Variants in MTHFD1L observed in about 807,000 individuals in gnomAD.
MTHFD1L encodes monofunctional C1-tetrahydrofolate synthase, mitochondrial.
A neutral mutation model predicts 119.5 loss-of-function variants in MTHFD1L; 81 were observed. The observed-to-expected ratio is 0.68, with a 90% CI of 0.57 to 0.82. The LOEUF is 0.82. Among genes scored for constraint, MTHFD1L ranks in the 40% least tolerant of loss-of-function variants. The pLI is 0.00. For synonymous variants in MTHFD1L, 430 were observed against 475.2 expected, an observed-to-expected ratio of 0.90 and a Z score of 1.24; for missense variants, 1,125 against 1,253.4, an observed-to-expected ratio of 0.90 and a Z score of 1.55.
intron 11 of MTHFD1L, among the ~76,000 whole-genome samples, chr6:150,927,746 C>T (rs192766937): frequency 3.3e-5 from 5 of 152,076 alleles, no homozygotes; most frequent in East Asian, 1.9e-4. Flanking sequence ...TGTGAGCCAC[C>T]GCACCTGGCC....
At chr6:151,089,068 GC>G (rs1794121636) in intron 26 of MTHFD1L, among the ~76,000 whole-genome samples, 1 of 152,070 alleles carries the variant, frequency 6.6e-6, no homozygotes, top group Admixed American at 6.6e-5. Flanking sequence ...AATTTACACT[GC>G]CTCATCTGTA....
intron 19 of MTHFD1L, among the ~76,000 whole-genome samples, chr6:150,967,412 T>C (rs1258303038): frequency 1.7e-5 from 2 of 118,142 alleles, no homozygotes; most frequent in Non-Finnish European, 4.1e-5. Context: ...CCTCACCTTT[T>C]TTGCCCCGTT....
At chr6:150,932,816 G>GAGGAAGGAAGGAAGGA (rs60832992) in intron 11 of MTHFD1L, among the ~76,000 whole-genome samples, 5 of 119,484 alleles carry the variant, frequency 4.2e-5, no homozygotes, top group Non-Finnish European at 7.3e-5. Context: ...GAGAGGGAGG[G>GAGGAAGGAAGGAAGGA]AGGAAGGAAG....
At chr6:150,991,585 G>T (rs1278368658) in intron 20 of MTHFD1L, among the ~76,000 whole-genome samples, 2 of 152,086 alleles carry the variant, frequency 1.3e-5, no homozygotes, top group African/African-American at 4.8e-5. Context: ...AGGAAAAAAT[G>T]ACTTGAAAAA....
At chr6:151,033,322 G>A (rs989554125) in intron 24 of MTHFD1L, among the ~76,000 whole-genome samples, 3 of 152,024 alleles carry the variant, frequency 2.0e-5, no homozygotes, top group Non-Finnish European at 4.4e-5. Flanking sequence ...GTTTCACCAT[G>A]TTGGCCACGC....
At chr6:150,953,074 C>G (rs1247525935) in intron 16 of MTHFD1L, among the ~76,000 whole-genome samples, 1 of 152,142 alleles carries the variant, frequency 6.6e-6, no homozygotes, top group Non-Finnish European at 1.5e-5. Flanking sequence ...GGCCATGGAC[C>G]AAGGGCCCAC....
At chr6:151,014,774 A>G in intron 22 of MTHFD1L, 106 bp from the exon 23 acceptor site, 3 of 734,112 alleles carry the variant, frequency 4.1e-6, no homozygotes, top group Non-Finnish European at 6.7e-6. Context: ...AAAAAGTGAA[A>G]AAAGATGTAG....
intron 22 of MTHFD1L, among the ~76,000 whole-genome samples, chr6:151,014,639 A>G (rs1261451841): frequency 6.6e-6 from 1 of 152,258 alleles, no homozygotes; most frequent in Non-Finnish European, 1.5e-5. Context: ...TAGACCCTGC[A>G]GCCTGTCCTC....
chr6:151,044,616 T>C (rs1447236485), intron 26 of MTHFD1L, among the ~76,000 whole-genome samples: 2 of 152,114 alleles, frequency 1.3e-5, no homozygotes, highest in Admixed American at 6.5e-5. Context: ...CATGCTTTTT[T>C]CCTCCTGTCG....
chr6:151,045,609 C>A (rs1584295753), intron 26 of MTHFD1L, among the ~76,000 whole-genome samples: 1 of 152,194 alleles, frequency 6.6e-6, no homozygotes, highest in African/African-American at 2.4e-5. Flanking sequence ...GCTTGCCCTC[C>A]CCATGAGCCT....
intron 20 of MTHFD1L, chr6:150,985,166 C>G (rs545904574): frequency 7.2e-5 from 11 of 152,284 alleles, no homozygotes; most frequent in African/African-American, 1.4e-4. Flanking sequence ...ATAGGATAAG[C>G]CTTCAGAAAC....
chr6:150,887,910 C>T lies in MTHFD1L; in HGVS notation c.709C>T (p.Gln237Ter), dbSNP rs1782579905. The change falls in exon 7 of 28, where the codon CAA (glutamine) becomes TAA (stop). Residue 237 changes from glutamine (Q) to a stop codon, truncating the protein, a stop_gained. Transcript: ENST00000367321. LOFTEE classifies it high-confidence loss of function. ...GAHGSLEAAL[Q>*]CLFQRKGSMT... ...CCATGGGTCTTTGGAAGCTGCTCTACAATGCCTGTTCCAGAGAAAAGGGTC... is the reference window on the plus strand; with the variant it reads ...CCATGGGTCTTTGGAAGCTGCTCTATAATGCCTGTTCCAGAGAAAAGGGTC... 3 of 1,610,902 alleles carry T rather than the reference C, an allele frequency of 1.9e-6. No homozygotes were observed. The highest frequency in any genetic ancestry group is 1.7e-5 in the Admixed American group (1 of 59,368).
intron 19 of MTHFD1L, among the ~76,000 whole-genome samples, chr6:150,967,022 T>C (rs1797309535): frequency 6.6e-6 from 1 of 152,178 alleles, no homozygotes; most frequent in African/African-American, 2.4e-5. Context: ...CTTCCCGTCT[T>C]TCCTCTCCCC....
chr6:151,090,409 C>G (rs1271103626), intron 26 of MTHFD1L, among the ~76,000 whole-genome samples: 1 of 152,232 alleles, frequency 6.6e-6, no homozygotes, highest in Non-Finnish European at 1.5e-5. Flanking sequence ...TGGGGACTTG[C>G]TCCAGTTGCA....
chr6:151,093,597 A>T (rs951014586), intron 27 of MTHFD1L, among the ~76,000 whole-genome samples: 1 of 152,108 alleles, frequency 6.6e-6, no homozygotes, highest in Admixed American at 6.5e-5. Context: ...CGGAGGTTGC[A>T]GTGAGCTGAG....
chr6:151,054,995 G>T (rs994751914), intron 26 of MTHFD1L: 2 of 152,208 alleles, frequency 1.3e-5, no homozygotes, highest in Non-Finnish European at 2.9e-5. Context: ...GCCGAGCCTG[G>T]TGGGTCATGC....
chr6:151,015,559 A>C lies in MTHFD1L; in HGVS notation c.2452A>C (p.Lys818Gln). 2.5e-6 allele frequency: 4 copies of C among 1,614,070 alleles called. No homozygotes were observed. The highest frequency in any genetic ancestry group is 3.4e-6 in the Non-Finnish European group (4 of 1,179,992). Residue 818 changes from lysine to glutamine, a missense_variant, in exon 24 of 28, where the codon AAG becomes CAG. This residue lies in a region of MTHFD1L where 1,058 missense variants were observed against 1,151.2 expected (regional missense o/e 0.92). Coordinates refer to ENST00000367321, the MANE Select transcript of MTHFD1L (RefSeq NM_015440.5). ...GATTGACTTGGTGTGTGAGCTTGCA[A>C]AGCGGGCTGGTGCCTTTGATGCAGT... Reference protein sequence around the residue: ...AEIDLVCELAKRAGAFDAVPC... With the variant: ...AEIDLVCELAQRAGAFDAVPC...
chr6:150,868,775 A>G (rs1267956881), intron 1 of MTHFD1L, among the ~76,000 whole-genome samples: 3 of 152,174 alleles, frequency 2.0e-5, no homozygotes, highest in Non-Finnish European at 2.9e-5. Context: ...AGAAAAGACA[A>G]ATTTAGGCCA....
At chr6:150,924,324 G>A (rs1789548198) in intron 10 of MTHFD1L, among the ~76,000 whole-genome samples, 1 of 152,006 alleles carries the variant, frequency 6.6e-6, no homozygotes, top group Non-Finnish European at 1.5e-5. Flanking sequence ...GAGTTCAAGC[G>A]AGGACATCTG....
Sources: gnomAD v4.1 joint callset for allele counts (sites outside exome capture counted in the v4.1 genomes callset) on GRCh38, gnomAD v4.1.1 for gene constraint, gnomAD v4.1.1 regional missense constraint, MANE v1.5 for transcripts, NCBI Gene and HGNC (gene_info 2026-07-23, HGNC 2026-07-21) for gene names.